Variants in FARP2 observed in about 807,000 individuals in gnomAD.
FARP2 encodes FERM, ARH/RhoGEF and pleckstrin domain protein 2.
FARP2 carries 111 observed loss-of-function variants against 130.5 expected under a neutral mutation model. That is an observed-to-expected ratio of 0.85 (90% CI 0.73 to 1.00). The LOEUF (loss-of-function observed/expected upper bound fraction) is 1.00. Ranked by LOEUF, FARP2 falls within the 50% of genes least tolerant of loss-of-function variation. The pLI, the probability that FARP2 is intolerant of heterozygous loss-of-function variation, is 0.00. For synonymous variants in FARP2, 504 were observed against 516.9 expected, an observed-to-expected ratio of 0.98 and a Z score of 0.34; for missense variants, 1,385 against 1,346.3, an observed-to-expected ratio of 1.03 and a Z score of -0.45.
chr2:241,373,415 A>G (rs1020678582), intron 2 of FARP2, 125 bp downstream of exon 2: 7 of 519,348 alleles, frequency 1.3e-5, no homozygotes, highest in Non-Finnish European at 1.9e-5. Context: ...TTGGTAACAC[A>G]TGAGAAAATC....
intron 12 of FARP2, 78 bp from the exon 13 acceptor site, chr2:241,441,226 G>C: frequency 2.2e-6 from 3 of 1,392,048 alleles, no homozygotes; most frequent in Non-Finnish European, 9.8e-7. Context: ...CCCTAAGTTA[G>C]GCCAGGTGGC....
At chr2:241,449,254 A>C (rs1029797766) in intron 13 of FARP2, among the ~76,000 whole-genome samples, 1 of 151,726 alleles carries the variant, frequency 6.6e-6, no homozygotes, top group African/African-American at 2.4e-5. Context: ...TGAGCCCAGG[A>C]CTTCGAGACC....
intron 1 of FARP2, among the ~76,000 whole-genome samples, chr2:241,356,743 C>T (rs1410698343): frequency 6.6e-6 from 1 of 152,066 alleles, no homozygotes; most frequent in Non-Finnish European, 1.5e-5. Context: ...AGTTGTGCCC[C>T]GTGGAGGCCG....
intron 21 of FARP2, among the ~76,000 whole-genome samples, chr2:241,487,723 G>A (rs1477990257): frequency 3.0e-5 from 4 of 133,596 alleles, no homozygotes; most frequent in African/African-American, 8.2e-5. Context: ...CCTCTCTGAT[G>A]TCATAGCTTA....
At chr2:241,389,977 A>G (rs2061869937) in intron 2 of FARP2, among the ~76,000 whole-genome samples, 1 of 151,998 alleles carries the variant, frequency 6.6e-6, no homozygotes, top group Admixed American at 6.5e-5. Flanking sequence ...TTGGTCTATC[A>G]CCTCTGCTCT....
At chr2:241,380,649 T>G (rs1575477149) in intron 2 of FARP2, among the ~76,000 whole-genome samples, 2 of 151,608 alleles carry the variant, frequency 1.3e-5, no homozygotes, top group African/African-American at 2.4e-5. Context: ...TTTTTGAATT[T>G]TGGAGCATTT....
intron 14 of FARP2, among the ~76,000 whole-genome samples, chr2:241,462,084 G>A (rs1002400033): frequency 2.6e-5 from 4 of 152,200 alleles, no homozygotes; most frequent in African/African-American, 9.6e-5. Flanking sequence ...TATGTTCCAC[G>A]TCTGCATCAG....
At chr2:241,374,050 A>G (rs1168820535) in intron 2 of FARP2, among the ~76,000 whole-genome samples, 3 of 150,962 alleles carry the variant, frequency 2.0e-5, no homozygotes, top group Non-Finnish European at 4.4e-5. Flanking sequence ...TTGTTCTGTC[A>G]ACCCAGGCTG....
intron 8 of FARP2, among the ~76,000 whole-genome samples, chr2:241,419,101 C>T (rs1405739328): frequency 3.3e-5 from 5 of 152,306 alleles, no homozygotes; most frequent in African/African-American, 1.2e-4. Flanking sequence ...TCAGGCCTCC[C>T]TCATCAAGCC....
At chr2:241,369,110 A>C (rs1333912617) in intron 1 of FARP2, among the ~76,000 whole-genome samples, 1 of 151,988 alleles carries the variant, frequency 6.6e-6, no homozygotes, top group Non-Finnish European at 1.5e-5. Flanking sequence ...GAAAATGAGG[A>C]TGTAAGTCGC....
At chr2:241,483,682 G>C in intron 20 of FARP2, 149 bp downstream of exon 20, 4 of 1,263,248 alleles carry the variant, frequency 3.2e-6, no homozygotes, top group Non-Finnish European at 4.4e-6. Context: ...GTTGGAGTCA[G>C]ACAGGGCCAG....
In FARP2 at chr2:241,411,190, T is replaced by G. The variant is rs13408162; in HGVS notation, c.508+60T>G. Reference sequence around the variant, plus strand: ...GACCATGGCACAGATATACCCGCACTCAGAACTACAATTAGTTGCTGATGT... The same window carrying G: ...GACCATGGCACAGATATACCCGCACGCAGAACTACAATTAGTTGCTGATGT... On this transcript the variant is annotated intron_variant, in intron 6 of 26. Transcript: ENST00000264042. 8.2e-3 allele frequency: 9,380 copies of G among 1,149,396 alleles called. 478 individuals are homozygous for G. The African/African-American group carries it at 0.12, about 14-fold the overall frequency. 71.2% of individuals were successfully genotyped at this position (1,149,396 alleles called of 1,614,324 possible). A position where few individuals can be genotyped will look rare whatever the true frequency, so the allele number is the denominator to read the frequency against.
chr2:241,490,450 CAGCCA>C (rs1197745642), intron 22 of FARP2, among the ~76,000 whole-genome samples: 6 of 99,118 alleles, frequency 6.1e-5, no homozygotes, highest in Non-Finnish European at 1.4e-4. Context: ...ACACCCAGCC[CAGCCA>C]AACACTGCCT....
At chr2:241,396,980 T>C (rs1432175628) in intron 2 of FARP2, among the ~76,000 whole-genome samples, 4 of 151,770 alleles carry the variant, frequency 2.6e-5, no homozygotes, top group African/African-American at 4.9e-5. Context: ...GTGGCACATA[T>C]ACAGCATGGA....
At chr2:241,402,667 TTTC>T (rs1362025495) in intron 2 of FARP2, among the ~76,000 whole-genome samples, 4 of 150,422 alleles carry the variant, frequency 2.7e-5, no homozygotes, top group Non-Finnish European at 3.0e-5. Flanking sequence ...TATTTCCATT[TTTC>T]TTCTTCTGTT....
intron 8 of FARP2, among the ~76,000 whole-genome samples, chr2:241,427,543 T>A (rs1413600666): frequency 1.3e-5 from 2 of 152,114 alleles, no homozygotes. Flanking sequence ...ATGCAAATAC[T>A]ACACCATTTT....
chr2:241,400,415 C>T (rs1013506804), intron 2 of FARP2, among the ~76,000 whole-genome samples: 46 of 152,184 alleles, frequency 3.0e-4, no homozygotes, highest in Middle Eastern at 3.2e-3. Flanking sequence ...GCCCTTTAAA[C>T]TTGCCATCTG....
chr2:241,471,956 A>AG (rs2064328385), intron 18 of FARP2, among the ~76,000 whole-genome samples: 46 of 59,258 alleles, frequency 7.8e-4, no homozygotes, highest in East Asian at 1.1e-3. Context: ...TCCTGTTCTG[A>AG]AGGAATCCTG....
chr2:241,427,925 T>C (rs985989668), intron 8 of FARP2, among the ~76,000 whole-genome samples: 3 of 152,016 alleles, frequency 2.0e-5, no homozygotes, highest in Middle Eastern at 3.4e-3. Context: ...TGCCACCACG[T>C]CTGGCTAATT....
Sources: gnomAD v4.1 joint callset for allele counts (sites outside exome capture counted in the v4.1 genomes callset) on GRCh38, gnomAD v4.1.1 for gene constraint, MANE v1.5 for transcripts, NCBI Gene and HGNC (gene_info 2026-07-23, HGNC 2026-07-21) for gene names.